The following CASP4 variants were observed in gnomAD, a reference collection of about 807,000 sequenced individuals.
The protein encoded by CASP4 is caspase 4.
Under a neutral mutation model 41.3 loss-of-function variants are expected in CASP4, and 29 were observed. That is an observed-to-expected ratio of 0.70 (90% confidence interval 0.52 to 0.96). CASP4 has a LOEUF of 0.96. CASP4 is among the 40% of genes least tolerant of loss of function. CASP4 has a pLI of 0.00. For missense variants in CASP4, 447 were observed against 460.6 expected (o/e 0.97, Z 0.27); for synonymous variants, 185 against 158.4 (o/e 1.17, Z -1.26).
At chr11:104,948,453 T>C (rs1860516636) in intron 6 of CASP4, 80 bp downstream of exon 6, 2 of 1,339,668 alleles carry the variant, frequency 1.5e-6, no homozygotes, top group Non-Finnish European at 2.0e-6. Flanking sequence ...CATTGTTTCA[T>C]AGGGATTCTT....
chr11:104,956,692 G>T, intron 1 of CASP4: 1 of 979,238 alleles, frequency 1.0e-6, no homozygotes, highest in Non-Finnish European at 1.2e-6. Flanking sequence ...GATCACAAAG[G>T]CTTCTGAGAA....
At chr11:104,948,736 T>G in intron 5 of CASP4, 60 bp from the exon 6 acceptor site, 1 of 1,471,308 alleles carries the variant, frequency 6.8e-7, no homozygotes, top group Non-Finnish European at 9.2e-7. Flanking sequence ...CTGTCACAGT[T>G]GCCCACCTTG....
chr11:104,956,774 C>G (rs1433901002), intron 1 of CASP4: 1 of 249,710 alleles, frequency 4.0e-6, no homozygotes, highest in East Asian at 1.8e-4. Flanking sequence ...GCAAACAGTA[C>G]ACAGATTAGT....
intron 6 of CASP4, 102 bp from the exon 7 acceptor site, chr11:104,947,294 G>A: frequency 1.6e-6 from 1 of 643,586 alleles, no homozygotes; most frequent in Non-Finnish European, 2.6e-6. Flanking sequence ...GCATAGCTTG[G>A]GAATTATCTT....
At chr11:104,953,096 G>C (rs529198221) in intron 2 of CASP4, among the ~76,000 whole-genome samples, 2 of 152,138 alleles carry the variant, frequency 1.3e-5, no homozygotes, top group Non-Finnish European at 2.9e-5. Context: ...AAATTAGATA[G>C]AATTTCTATC....
chr11:104,962,442 T>G (rs900779615), intron 1 of CASP4, among the ~76,000 whole-genome samples: 3 of 152,196 alleles, frequency 2.0e-5, no homozygotes, highest in African/African-American at 7.2e-5. Flanking sequence ...ATAGCAAATC[T>G]GGTGTATTTT....
chr11:104,947,874 G>C (rs1363698566), intron 6 of CASP4: 1 of 152,182 alleles, frequency 6.6e-6, no homozygotes, highest in Non-Finnish European at 1.5e-5. Flanking sequence ...TTTTGGAGAA[G>C]AGAGATATGT....
rs759553577 is a variant in CASP4, at chr11:104,954,933, A to T, written c.76T>A (p.Leu26Met). Residue 26 changes from leucine to methionine, a missense_variant, in exon 2 of 9, where the codon TTG becomes ATG. Transcript: ENST00000444739. ...ACATTTTGTTCCACCAAGTTATCCA[A>T]AACACCAGTGAGGAAATCTTTGCCC... ...SLGKDFLTGVLDNLVEQNVLN... is the reference protein window; with the variant it reads ...SLGKDFLTGVMDNLVEQNVLN... 6.2e-7 allele frequency: 1 copy of T among 1,612,198 alleles called. No homozygotes were observed. The highest frequency in any genetic ancestry group is 1.7e-5 in the Admixed American group (1 of 59,906).
At chr11:104,967,237 A>G (rs753143243) in intron 1 of CASP4, among the ~76,000 whole-genome samples, 18 of 152,192 alleles carry the variant, frequency 1.2e-4, no homozygotes, top group Non-Finnish European at 2.1e-4. Context: ...AATTTACCCT[A>G]TCTTTATCTA....
intron 1 of CASP4, among the ~76,000 whole-genome samples, chr11:104,958,754 A>T (rs980925806): frequency 1.3e-5 from 2 of 152,130 alleles, no homozygotes; most frequent in Non-Finnish European, 2.9e-5. Flanking sequence ...TGAGGTCAGT[A>T]GTTCTAGACC....
chr11:104,949,746 G>T lies in CASP4; in HGVS notation c.578C>A (p.Thr193Asn). Residue 193 changes from threonine (T) to asparagine (N), a missense_variant, in exon 5 of 9, where the codon ACC becomes AAC. Transcript: ENST00000444739. ...GTCAGAGGACTTGTGCTCTGGTCTG[G>T]TAGCAAATGCCCTCAGCGCTGACTC... ...DMESALRAFA[T>N]RPEHKSSDST... 6.2e-7 allele frequency: 1 copy of T among 1,613,856 alleles called. No individual in the cohort carries two copies. The highest frequency in any genetic ancestry group is 1.3e-5 in the African/African-American group (1 of 75,008).
chr11:104,948,763 A>C (rs1280054849), intron 5 of CASP4, 87 bp from the exon 6 acceptor site: 1 of 1,263,780 alleles, frequency 7.9e-7, no homozygotes, highest in East Asian at 2.4e-5. Flanking sequence ...TTGAATGTTC[A>C]TTCTTACTAG....
At chr11:104,950,326 C>T (rs994629973) in intron 4 of CASP4, among the ~76,000 whole-genome samples, 3 of 152,120 alleles carry the variant, frequency 2.0e-5, no homozygotes, top group Non-Finnish European at 4.4e-5. Flanking sequence ...CATCTCCAAC[C>T]AACCCAAAAA....
chr11:104,951,663 A>G, intron 3 of CASP4: 1 of 557,134 alleles, frequency 1.8e-6, no homozygotes, highest in South Asian at 2.0e-5. Flanking sequence ...TAAATACAGG[A>G]GCAATAGAAA....
chr11:104,951,641 T>A (rs1860615190), intron 3 of CASP4: 1 of 503,714 alleles, frequency 2.0e-6, no homozygotes, highest in African/African-American at 1.9e-5. Context: ...AAAATCCAAA[T>A]AATTACAAGA....
intron 1 of CASP4, among the ~76,000 whole-genome samples, chr11:104,959,084 G>C (rs1420459726): frequency 6.6e-6 from 1 of 150,396 alleles, no homozygotes; most frequent in Non-Finnish European, 1.5e-5. Context: ...CCACTATTAA[G>C]TATATATCAA....
intron 5 of CASP4, 160 bp from the exon 6 acceptor site, chr11:104,948,836 AC>A (rs1221903204): frequency 2.2e-6 from 1 of 457,870 alleles, no homozygotes; most frequent in African/African-American, 2.1e-5. Context: ...ACACACACAC[AC>A]CACTTTTCTT....
In CASP4 at chr11:104,957,114, T is replaced by C. The variant is rs1860753718; in HGVS notation, c.8-2113A>G. Among the ~76,000 whole-genome samples the C allele has an allele frequency of 2.6e-5, 4 of 152,142 alleles. No individual in the cohort carries two copies. In the South Asian group the frequency reaches 8.3e-4, roughly 31 times the overall value. ...CAAAATTGGAAAGGAAGAAGTTTAA[T>C]TGTGCCTGTTTAAAGATGAAATGGT... On this transcript the variant is annotated intron_variant, in intron 1 of 8. Coordinates refer to ENST00000444739, the MANE Select transcript of CASP4 (RefSeq NM_001225.4).
chr11:104,966,163 G>C (rs937388766), intron 1 of CASP4, among the ~76,000 whole-genome samples: 2 of 152,184 alleles, frequency 1.3e-5, no homozygotes, highest in Non-Finnish European at 2.9e-5. Context: ...CCCCTGTCTT[G>C]ATAAATTGGC....
Sources: allele counts gnomAD v4.1 joint callset (sites outside exome capture counted in the v4.1 genomes callset), GRCh38; gene constraint gnomAD v4.1.1; transcripts MANE v1.5; gene names NCBI Gene and HGNC (gene_info 2026-07-23, HGNC 2026-07-21).